HACE1: variants seen among roughly 807,000 people sequenced by gnomAD.
The protein encoded by HACE1 is HECT domain and ankyrin repeat containing E3 ubiquitin protein ligase 1.
A neutral mutation model predicts 118.4 loss-of-function variants in HACE1; 73 were observed. The ratio of observed to expected loss-of-function variants is 0.62; its 90% CI spans 0.51 to 0.75. The LOEUF (loss-of-function observed/expected upper bound fraction) is 0.75. Ranked by LOEUF, HACE1 falls within the 30% of genes least tolerant of loss-of-function variation. The probability of loss-of-function intolerance (pLI) is 0.00; values close to 1 mark genes in which losing one functional copy is unlikely to be tolerated. For synonymous variants in HACE1, 368 were observed against 374.8 expected (o/e 0.98, Z 0.21); for missense variants, 749 against 1,102.2 (o/e 0.68, Z 4.54).
At chr6:104,758,934 G>A (rs1582695254) in intron 19 of HACE1, among the ~76,000 whole-genome samples, 1 of 151,102 alleles carries the variant, frequency 6.6e-6, no homozygotes. Context: ...TTAGACCAAA[G>A]AAGATCAAAA....
chr6:104,822,207 A>AG (rs1484599312), intron 6 of HACE1, among the ~76,000 whole-genome samples: 1 of 148,820 alleles, frequency 6.7e-6, no homozygotes, highest in Non-Finnish European at 1.5e-5. Flanking sequence ...CTCTACTAAA[A>AG]AAAAAAAAAA....
chr6:104,800,369 C>T (rs1770186653), intron 7 of HACE1, among the ~76,000 whole-genome samples: 1 of 152,178 alleles, frequency 6.6e-6, no homozygotes, highest in Non-Finnish European at 1.5e-5. Flanking sequence ...AGTGGTTCTC[C>T]CACCACAGCC....
At chr6:104,815,304 C>T (rs1439273464) in intron 6 of HACE1, among the ~76,000 whole-genome samples, 1 of 137,830 alleles carries the variant, frequency 7.3e-6, no homozygotes, top group Non-Finnish European at 1.6e-5. Context: ...AGCATTTTGC[C>T]CCTGCCCTAG....
intron 6 of HACE1, among the ~76,000 whole-genome samples, chr6:104,817,126 T>G (rs935946937): frequency 6.6e-6 from 1 of 152,234 alleles, no homozygotes; most frequent in Non-Finnish European, 1.5e-5. Flanking sequence ...ACTTCTGAGT[T>G]AATGCTGAAA....
chr6:104,818,948 A>C (rs1223527293), intron 6 of HACE1, among the ~76,000 whole-genome samples: 1 of 152,198 alleles, frequency 6.6e-6, no homozygotes, highest in Non-Finnish European at 1.5e-5. Flanking sequence ...GAATGGGCAA[A>C]ACCTGTAAGC....
At chr6:104,738,229 A>G (rs1233704032) in intron 22 of HACE1, among the ~76,000 whole-genome samples, 1 of 152,258 alleles carries the variant, frequency 6.6e-6, no homozygotes, top group African/African-American at 2.4e-5. Context: ...AAAACAGAAC[A>G]GAAAAACCGG....
Position 104,792,657 on chromosome 6 carries a change from C to A in HACE1, c.924-1003G>T, listed in dbSNP as rs1037990204. Among the ~76,000 whole-genome samples the A allele has an allele frequency of 3.3e-5, 5 of 152,140 alleles. No homozygotes were observed. In the East Asian group the frequency reaches 9.6e-4, roughly 29 times the overall value. On this transcript the variant is annotated intron_variant, in intron 10 of 23. Coordinates refer to ENST00000262903, the MANE Select transcript of HACE1 (RefSeq NM_020771.4). ...AGGTCATGATCAACTCAGTATACCA[C>A]TGGAGGCTATATGAGTAAACAGCCA...
At chr6:104,825,728 C>A (rs750596260) in intron 6 of HACE1, among the ~76,000 whole-genome samples, 1 of 152,160 alleles carries the variant, frequency 6.6e-6, no homozygotes, top group Non-Finnish European at 1.5e-5. Flanking sequence ...GTATCCAGAA[C>A]CTTGAGCAGC....
At chr6:104,753,327 T>C (rs996936611) in intron 19 of HACE1, among the ~76,000 whole-genome samples, 2 of 152,184 alleles carry the variant, frequency 1.3e-5, no homozygotes, top group Admixed American at 6.5e-5. Flanking sequence ...CTTTGGAGAA[T>C]ACAGGCGGTC....
At chr6:104,746,617 C>T (rs997495547) in intron 20 of HACE1, among the ~76,000 whole-genome samples, 2 of 152,210 alleles carry the variant, frequency 1.3e-5, no homozygotes, top group African/African-American at 4.8e-5. Context: ...AATTCCTCTA[C>T]CTGTCTCTTC....
chr6:104,750,301 G>A (rs1474206968), intron 20 of HACE1, 40 bp downstream of exon 20: 7 of 1,545,310 alleles, frequency 4.5e-6, no homozygotes. Context: ...AGAGTTTTTT[G>A]TTGTTGTGTT....
At chr6:104,834,863 A>C (rs1445626360) in intron 5 of HACE1, among the ~76,000 whole-genome samples, 1 of 152,224 alleles carries the variant, frequency 6.6e-6, no homozygotes, top group Non-Finnish European at 1.5e-5. Context: ...TTAGAGCCTC[A>C]TATCTCTACC....
intron 22 of HACE1, among the ~76,000 whole-genome samples, chr6:104,740,815 C>A (rs1384952768): frequency 2.2e-5 from 3 of 136,074 alleles, no homozygotes; most frequent in Non-Finnish European, 4.7e-5. Flanking sequence ...TTTTATGAGG[C>A]CAGCATCATT....
intron 6 of HACE1, among the ~76,000 whole-genome samples, chr6:104,812,020 C>G (rs554923491): frequency 2.6e-5 from 4 of 152,180 alleles, no homozygotes; most frequent in African/African-American, 9.6e-5. Flanking sequence ...CTCTACTCCT[C>G]TAATCATTTG....
Position 104,729,518 on chromosome 6 carries a change from G to C in HACE1, c.*144C>G. On this transcript the variant is annotated 3_prime_UTR_variant, in exon 24 of 24. Coordinates refer to ENST00000262903, the MANE Select transcript of HACE1 (RefSeq NM_020771.4). ...ACATAAAAGGGAAAAGAGAGAAACA[G>C]AAAACCTGATGATCCTTTATAAATT... 1 of 667,470 alleles carries C rather than the reference G, an allele frequency of 1.5e-6. No homozygotes were observed. The highest frequency in any genetic ancestry group is 1.8e-5 in the African/African-American group (1 of 55,980). 41.3% of individuals were successfully genotyped at this position (667,470 alleles called of 1,614,324 possible). A position where few individuals can be genotyped will look rare whatever the true frequency, so the allele number is the denominator to read the frequency against.
chr6:104,802,216 G>GC (rs1770450702), intron 7 of HACE1, among the ~76,000 whole-genome samples: 1 of 152,106 alleles, frequency 6.6e-6, no homozygotes. Context: ...GACTCATAAA[G>GC]CAAGTCCTTA....
In HACE1 at chr6:104,729,579, C is replaced by T. The variant is rs193196925; in HGVS notation, c.*83G>A. 3.4e-5 allele frequency: 27 copies of T among 789,438 alleles called. No individual in the cohort carries two copies. In the East Asian group the frequency reaches 6.6e-4, roughly 19 times the overall value. The allele number at this position is 789,438 out of a possible 1,614,324, so 48.9% of individuals were successfully genotyped here. A position where few individuals can be genotyped will look rare whatever the true frequency, so the allele number is the denominator to read the frequency against. Reference sequence around the variant, plus strand: ...GCCCTGCCTATGGGTTGCATTTAGGCTGCTTTTTTGTTGACATTTTCCCAA... The same window carrying T: ...GCCCTGCCTATGGGTTGCATTTAGGTTGCTTTTTTGTTGACATTTTCCCAA... On this transcript the variant is annotated 3_prime_UTR_variant, in exon 24 of 24. Transcript: ENST00000262903.
At chr6:104,785,595 CA>C (rs1782300814) in intron 11 of HACE1, 1 of 361,692 alleles carries the variant, frequency 2.8e-6, no homozygotes. Flanking sequence ...AAAAAATTCA[CA>C]ATCTTTCTTC....
intron 10 of HACE1, among the ~76,000 whole-genome samples, chr6:104,792,849 A>G (rs932225616): frequency 3.3e-5 from 5 of 152,130 alleles, no homozygotes; most frequent in Non-Finnish European, 5.9e-5. Flanking sequence ...CAGCTGACCA[A>G]TCATTTGCTC....
Sources: gnomAD v4.1 joint callset for allele counts (sites outside exome capture counted in the v4.1 genomes callset) on GRCh38, gnomAD v4.1.1 for gene constraint, MANE v1.5 for transcripts, NCBI Gene and HGNC (gene_info 2026-07-23, HGNC 2026-07-21) for gene names.